TCP11: variants seen among roughly 807,000 people sequenced by gnomAD.
The protein encoded by TCP11 is t-complex 11.
TCP11 carries 34 observed loss-of-function variants against 45.0 expected under a neutral mutation model. The ratio of observed to expected loss-of-function variants is 0.76; its 90% CI spans 0.57 to 1.01. The LOEUF is 1.01. Ranked by LOEUF, TCP11 falls within the 50% of genes least tolerant of loss-of-function variation. The pLI, the probability that TCP11 is intolerant of heterozygous loss-of-function variation, is 0.00. For synonymous variants in TCP11, 227 were observed against 227.0 expected (o/e 1.00, Z 0.00); for missense variants, 523 against 598.1 (o/e 0.87, Z 1.31).
At chr6:35,126,923 G>A (rs1043503580) in intron 4 of TCP11, among the ~76,000 whole-genome samples, 4 of 152,086 alleles carry the variant, frequency 2.6e-5, no homozygotes, top group Non-Finnish European at 5.9e-5. Flanking sequence ...CTCCCAGAGT[G>A]TTGAGATTAC....
intron 2 of TCP11, chr6:35,140,037 T>C: frequency 6.2e-7 from 1 of 1,614,182 alleles, no homozygotes; most frequent in South Asian, 1.1e-5. Context: ...TCATAGCTGT[T>C]GGAAATGACC....
At chr6:35,124,509 A>G (rs1248753662) in intron 4 of TCP11, among the ~76,000 whole-genome samples, 2 of 152,228 alleles carry the variant, frequency 1.3e-5, no homozygotes, top group Non-Finnish European at 2.9e-5. Context: ...CTGGGTAACC[A>G]TGTGGCCTAA....
intron 9 of TCP11, 21 bp downstream of exon 9, chr6:35,119,207 C>T (rs2127635634): frequency 6.2e-7 from 1 of 1,612,602 alleles, no homozygotes; most frequent in East Asian, 2.2e-5. Flanking sequence ...ACCATTCTTA[C>T]TACCCCACAA....
At chr6:35,125,406 AAC>A (rs1343215815) in intron 4 of TCP11, among the ~76,000 whole-genome samples, 5 of 152,170 alleles carry the variant, frequency 3.3e-5, no homozygotes, top group African/African-American at 1.2e-4. Flanking sequence ...ATAGCCAACA[AAC>A]ACACGAACAG....
intron 5 of TCP11, among the ~76,000 whole-genome samples, chr6:35,121,895 A>T (rs564351586): frequency 6.6e-6 from 1 of 152,234 alleles, no homozygotes; most frequent in East Asian, 1.9e-4. Flanking sequence ...GTCTTATGGT[A>T]TTACAGAGGG....
Position 35,123,780 on chromosome 6 carries a change from C to A in TCP11, c.358-1443G>T, listed in dbSNP as rs562731612. 1.1e-4 allele frequency among the ~76,000 whole-genome samples: 16 copies of A among 151,200 alleles called. No individual in the cohort carries two copies. In the South Asian group the frequency reaches 1.7e-3, roughly 16 times the overall value. On this transcript the variant is annotated intron_variant, in intron 4 of 9. Coordinates refer to ENST00000311875, the MANE Select transcript of TCP11 (RefSeq NM_001370687.1). ...GGGATTATAATCATAAGCCACTACA[C>A]CTGGTCCTCCTTTTTGGATTCTTTT...
At position 35,120,771 on chromosome 6, in the gene TCP11, G is replaced by C. The variant is rs1177713151; in HGVS notation, c.716-125C>G. 7.1e-7 allele frequency: 1 copy of C among 1,403,036 alleles called. No homozygotes were observed. The highest frequency in any genetic ancestry group is 2.3e-5 in the East Asian group (1 of 43,472). The allele number at this position is 1,403,036 out of a possible 1,614,324, so 86.9% of individuals were successfully genotyped here. Reference sequence around the variant, plus strand: ...ATGCTTTGAGGGTCTTTCTGTCTTAGATAAATGTTCCTTCTCCCTCCCTTC... The same window carrying C: ...ATGCTTTGAGGGTCTTTCTGTCTTACATAAATGTTCCTTCTCCCTCCCTTC... On this transcript the variant is annotated intron_variant, in intron 6 of 9. Transcript: ENST00000311875. The surrounding 1 kb of genome is among the most constrained non-coding windows in gnomAD (Gnocchi z 4.9).
At chr6:35,118,615 C>T (rs565914933) in intron 9 of TCP11, 114 bp from the exon 10 acceptor site, 40 of 896,512 alleles carry the variant, frequency 4.5e-5, no homozygotes, top group African/African-American at 3.7e-4. Context: ...ACCAACCTGC[C>T]CCCCTACCTA....
In TCP11 at chr6:35,129,182, A is replaced by C; in HGVS notation, c.237T>G (p.Ser79Arg). 1 of 1,611,966 alleles carries C rather than the reference A, an allele frequency of 6.2e-7. No homozygotes were observed. The highest frequency in any genetic ancestry group is 8.5e-7 in the Non-Finnish European group (1 of 1,179,456). ...YMEEKVLPPS[S>R]LEGKVKETVH... Reference sequence around the variant, plus strand: ...CTGTCTCCTTGACCTTGCCTTCCAGACTATAAGAGGGTTAAATGAGCAGAT... The same window carrying C: ...CTGTCTCCTTGACCTTGCCTTCCAGCCTATAAGAGGGTTAAATGAGCAGAT... The change falls in exon 4 of 10, where the codon AGT becomes AGG. Residue 79 changes from serine (S) to arginine (R), a missense_variant and splice_region_variant. Around this residue, in one of 2 missense-constraint regions of TCP11, gnomAD observed 225 missense variants for 210.2 expected, o/e 1.07. Transcript: ENST00000311875.
intron 3 of TCP11, among the ~76,000 whole-genome samples, chr6:35,131,370 C>T (rs1289017374): frequency 6.6e-6 from 1 of 152,106 alleles, no homozygotes; most frequent in Non-Finnish European, 1.5e-5. Flanking sequence ...GAGTTCGAGA[C>T]CGGCCTGGCC....
Position 35,120,431 on chromosome 6 carries a change from C to T in TCP11, c.931G>A (p.Glu311Lys), listed in dbSNP as rs1217845931. ...GCAATGCCCCCAGACATTCCTACCT[C>T]AGGGAACTCTTCATTTTCAAGGTCC... ...LWDLENEEFPETLLMDRTRLQ... is the reference protein window; with the variant it reads ...LWDLENEEFPKTLLMDRTRLQ... Residue 311 changes from glutamate to lysine, a missense_variant and splice_region_variant, in exon 7 of 10, where the codon GAG becomes AAG. Physicochemically the swap from Glu to Lys is moderately conservative, Grantham distance 56. Around this residue, in one of 2 missense-constraint regions of TCP11, gnomAD observed 298 missense variants for 387.9 expected, o/e 0.77. Transcript: ENST00000311875. The surrounding 1 kb of genome is among the most constrained non-coding windows in gnomAD (Gnocchi z 4.9). 1.9e-6 allele frequency: 3 copies of T among 1,591,092 alleles called. No homozygotes were observed. Among genetic ancestry groups the T allele is most frequent in the Admixed American group, 1.8e-5 (1 of 56,738 alleles).
At chr6:35,128,992 C>T (rs1468738168) in intron 4 of TCP11, 70 bp downstream of exon 4, 3 of 1,570,412 alleles carry the variant, frequency 1.9e-6, no homozygotes, top group Non-Finnish European at 1.7e-6. Flanking sequence ...TTAAGATTTG[C>T]TAGCCACTGA....
chr6:35,129,031 A>G (rs1337103871), intron 4 of TCP11, 31 bp downstream of exon 4: 2 of 1,610,022 alleles, frequency 1.2e-6, no homozygotes, highest in Non-Finnish European at 1.7e-6. Flanking sequence ...ATGTCTAGAA[A>G]CTTTACATTT....
At position 35,136,165 on chromosome 6, in the gene TCP11, T is replaced by C. The variant is rs1781064908; in HGVS notation, c.178A>G (p.Asn60Asp). 1 of 1,613,632 alleles carries C rather than the reference T, an allele frequency of 6.2e-7. No homozygotes were observed. The highest frequency in any genetic ancestry group is 1.1e-5 in the South Asian group (1 of 91,048). ...TAATCACAATTCATCCCAATCTTGTTGCTCAGCTTGGAAACTTCATTAACG... is the reference window on the plus strand; with the variant it reads ...TAATCACAATTCATCCCAATCTTGTCGCTCAGCTTGGAAACTTCATTAACG... The part of the protein sequence containing the change: ...ETVNEVSKLS[N>D]KIGMNCDYYM... The change falls in exon 3 of 10, where the codon AAC becomes GAC. Residue 60 changes from asparagine (N) to aspartate (D), a missense_variant. By Grantham distance (23) the Asn-to-Asp change is conservative. Transcript: ENST00000311875.
chr6:35,122,081 A>G lies in TCP11; in HGVS notation c.578+36T>C, dbSNP rs117024397. 2.6e-4 allele frequency: 414 copies of G among 1,608,500 alleles called. 2 individuals carry two copies. The East Asian group carries it at 7.9e-3, about 31-fold the overall frequency. On this transcript the variant is annotated intron_variant, in intron 5 of 9. Transcript: ENST00000311875. Reference sequence around the variant, plus strand: ...CCCAGCTTTTCCGGGCTCAGGGGCTAAAGCAGGTTTTTGGGGGCAGTATCA... The same window carrying G: ...CCCAGCTTTTCCGGGCTCAGGGGCTGAAGCAGGTTTTTGGGGGCAGTATCA...
intron 3 of TCP11, among the ~76,000 whole-genome samples, chr6:35,134,121 T>C (rs147475959): frequency 2.5e-4 from 38 of 152,242 alleles, no homozygotes; most frequent in African/African-American, 8.4e-4. Context: ...GCTGACAAGA[T>C]AACCCCAAAG....
chr6:35,124,163 T>G lies in TCP11; in HGVS notation c.358-1826A>C, dbSNP rs80346324. ...TACTTTGACATTCATTTGAGTGATT[T>G]TGATTTATTTAGAATCACTCGAGGT... On this transcript the variant is annotated intron_variant, in intron 4 of 9. Transcript: ENST00000311875. Among the ~76,000 whole-genome samples the G allele has an allele frequency of 5.0e-3, 754 of 152,306 alleles. 2 individuals are homozygous for G. The highest frequency in any genetic ancestry group is 0.015 in the East Asian group (79 of 5,184).
rs1489762315 is a variant in TCP11 at position 35,118,392 on chromosome 6, C to A, written c.1389G>T (p.Leu463=). ...LTLIEAELAE[L]GQKFVNLTHH... ...GTGTCAAGTTGACAAACTTTTGGCC[C>A]AGTTCTGCCAGTTCTGCTTCAATGA... Residue 463 remains leucine (L), a synonymous_variant, in exon 10 of 10, where the codon CTG becomes CTT. Coordinates refer to ENST00000311875, the MANE Select transcript of TCP11 (RefSeq NM_001370687.1). The A allele has an allele frequency of 6.2e-7, 1 of 1,614,150 alleles. No homozygotes were observed. The highest frequency in any genetic ancestry group is 1.7e-5 in the Admixed American group (1 of 60,018).
Position 35,122,116 on chromosome 6 carries a change from C to T in TCP11, c.578+1G>A. On this transcript the variant is annotated splice_donor_variant, in intron 5 of 9. Coordinates refer to ENST00000311875, the MANE Select transcript of TCP11 (RefSeq NM_001370687.1). LOFTEE classifies it high-confidence loss of function. Reference sequence around the variant, plus strand: ...TTTGGGGGCAGTATCAAGTTTCATACCTCAGTAGCCAAACAGGATCCGTAA... The same window carrying T: ...TTTGGGGGCAGTATCAAGTTTCATATCTCAGTAGCCAAACAGGATCCGTAA... 1 of 1,614,184 alleles carries T rather than the reference C, an allele frequency of 6.2e-7. No individual in the cohort carries two copies. Among genetic ancestry groups the T allele is most frequent in the Non-Finnish European group, 8.5e-7 (1 of 1,180,002 alleles).
Sources: gnomAD v4.1 joint callset for allele counts (sites outside exome capture counted in the v4.1 genomes callset) on GRCh38, gnomAD v4.1.1 for gene constraint, gnomAD v4.1.1 regional missense constraint, Gnocchi (gnomAD v3.1) non-coding constraint, MANE v1.5 for transcripts, NCBI Gene and HGNC (gene_info 2026-07-23, HGNC 2026-07-21) for gene names.